CPNE1: variants seen among roughly 807,000 people sequenced by gnomAD.
CPNE1 encodes the protein copine 1, also known as copine-1.
In CPNE1, 58 loss-of-function variants were observed where a neutral mutation model predicts 63.2. The observed-to-expected ratio is 0.92, with a 90% confidence interval of 0.74 to 1.14. CPNE1 has a LOEUF of 1.14. CPNE1 is among the 50% of genes most tolerant of loss of function. The pLI, the probability that CPNE1 is intolerant of heterozygous loss-of-function variation, is 0.00. For missense variants in CPNE1, 672 were observed against 661.7 expected, an observed-to-expected ratio of 1.02 and a Z score of -0.17; for synonymous variants, 237 against 249.0, an observed-to-expected ratio of 0.95 and a Z score of 0.45.
intron 15 of CPNE1, 74 bp downstream of exon 15, chr20:35,626,493 C>A: frequency 6.3e-7 from 1 of 1,589,948 alleles, no homozygotes; most frequent in Non-Finnish European, 8.6e-7. Flanking sequence ...GTGAGCATCC[C>A]TTGGGCCTCA....
intron 1 of CPNE1, among the ~76,000 whole-genome samples, chr20:35,636,883 C>T (rs1415546646): frequency 1.3e-5 from 2 of 152,088 alleles, no homozygotes; most frequent in Non-Finnish European, 2.9e-5. Flanking sequence ...TGAATACAAA[C>T]ATAAATAAAT....
intron 1 of CPNE1, among the ~76,000 whole-genome samples, chr20:35,661,233 C>T (rs2034215519): frequency 6.6e-6 from 1 of 152,172 alleles, no homozygotes; most frequent in South Asian, 2.1e-4. Flanking sequence ...AACTGAAATA[C>T]TTCTGTGTTG....
intron 13 of CPNE1, 113 bp from the exon 14 acceptor site, chr20:35,627,526 C>T: frequency 9.3e-7 from 1 of 1,079,100 alleles, no homozygotes; most frequent in Non-Finnish European, 1.3e-6. Flanking sequence ...GCATTTCATT[C>T]ATTCACCCTT....
chr20:35,627,549 A>G (rs2031843846), intron 13 of CPNE1, 136 bp from the exon 14 acceptor site: 1 of 836,494 alleles, frequency 1.2e-6, no homozygotes, highest in African/African-American at 1.7e-5. Flanking sequence ...AAACCAGGGT[A>G]CTTAACTGTC....
At chr20:35,655,183 A>G in intron 1 of CPNE1, 1 of 1,614,204 alleles carries the variant, frequency 6.2e-7, no homozygotes, top group Non-Finnish European at 8.5e-7. Flanking sequence ...ATCAGTGGCA[A>G]AAACGATGAA....
chr20:35,627,573 G>A (rs1421867174), intron 13 of CPNE1, 160 bp from the exon 14 acceptor site: 2 of 634,952 alleles, frequency 3.1e-6, no homozygotes, highest in African/African-American at 3.7e-5. Flanking sequence ...TACACATGAG[G>A]AAACTAAGGT....
Position 35,631,951 on chromosome 20 carries a change from T to G in CPNE1, c.531A>C (p.Arg177Ser), listed in dbSNP as rs1275349033. The change falls in exon 6 of 16, where the codon AGA (arginine) becomes AGC (serine). Residue 177 changes from arginine (R) to serine (S), a missense_variant. Transcript: ENST00000397443. ...AATCCCAGGGGTCTCATACCTCAGA[T>G]CTGTACACCAGGTGCCATTTCCCAT... ...QGDGKWHLVYRSEVIKNNLNP... is the reference protein window; with the variant it reads ...QGDGKWHLVYSSEVIKNNLNP... 1.9e-6 allele frequency: 3 copies of G among 1,613,770 alleles called. No individual in the cohort carries two copies. Among genetic ancestry groups the G allele is most frequent in the Admixed American group, 1.7e-5 (1 of 60,016 alleles).
rs748349728 is a variant in CPNE1 at position 35,631,172 on chromosome 20, A to G, written c.803T>C (p.Val268Ala). The G allele has an allele frequency of 3.7e-6, 6 of 1,613,912 alleles. No individual in the cohort carries two copies. In the Admixed American group the frequency reaches 1.0e-4, roughly 27 times the overall value. The change falls in exon 10 of 16, where the codon GTA (valine) becomes GCA (alanine). Residue 268 changes from valine (V) to alanine (A), a missense_variant and splice_region_variant. Physicochemically the swap from Val to Ala is moderately conservative, Grantham distance 64. Transcript: ENST00000397443. ...SGTIRVKICR[V>A]ETEYSFLDYV... ...GTCCAGAAAGGAGTACTCTGTTTCT[A>G]CCTGCAAATGAAACCAGGGTCATGC... is the stretch of plus-strand genomic sequence containing the variant.
intron 1 of CPNE1, among the ~76,000 whole-genome samples, chr20:35,647,669 A>G (rs189214130): frequency 1.9e-4 from 29 of 152,264 alleles, no homozygotes; most frequent in Middle Eastern, 3.4e-3. Context: ...ACGTTGATCC[A>G]GAAAAGGAGT....
chr20:35,652,355 G>A, intron 1 of CPNE1: 2 of 713,368 alleles, frequency 2.8e-6, no homozygotes, highest in Non-Finnish European at 4.5e-6. Flanking sequence ...TGTTTATCCT[G>A]GTGAGTGAGT....
chr20:35,627,280 C>T lies in CPNE1; in HGVS notation c.1236G>A (p.Ser412=), dbSNP rs753375834. 1.7e-5 allele frequency: 27 copies of T among 1,613,132 alleles called. No individual in the cohort carries two copies. Among genetic ancestry groups the T allele is most frequent in the Middle Eastern group, 1.6e-4 (1 of 6,082 alleles). The stretch of plus-strand genomic sequence containing the variant: ...TGCCACTGCCACCCACGACTCTCAC[C>T]GAGGCAGTCCCCTGATGTGCAGCCT... The part of the protein sequence containing the change: ...AAQAAHQGTA[S]QYFMLLLLTD... Residue 412 remains serine (S), a splice_region_variant and synonymous_variant, in exon 14 of 16, where the codon TCG becomes TCA. Transcript: ENST00000397443.
chr20:35,658,802 AACACACACACACACACACAC>A (rs10542710), intron 1 of CPNE1: 6 of 473,466 alleles, frequency 1.3e-5, no homozygotes, highest in Admixed American at 7.7e-5. Flanking sequence ...AGCAAACAAA[AACACACACACACACACACAC>A]ACACACACAC....
chr20:35,627,540 A>T (rs2031842926), intron 13 of CPNE1, 127 bp from the exon 14 acceptor site: 7 of 931,064 alleles, frequency 7.5e-6, no homozygotes, highest in African/African-American at 5.0e-5. Flanking sequence ...CACCCTTGTA[A>T]ACCAGGGTAC....
At chr20:35,644,055 C>A (rs1601445161) in intron 1 of CPNE1, among the ~76,000 whole-genome samples, 1 of 151,790 alleles carries the variant, frequency 6.6e-6, no homozygotes, top group East Asian at 1.9e-4. Context: ...GATTACCCCA[C>A]CTGTAAAGTA....
At chr20:35,653,002 C>G in intron 1 of CPNE1, 1 of 1,613,826 alleles carries the variant, frequency 6.2e-7, no homozygotes, top group East Asian at 2.2e-5. Flanking sequence ...GTTTGGTCCA[C>G]CTCCAAAACC....
intron 1 of CPNE1, among the ~76,000 whole-genome samples, chr20:35,646,722 T>A (rs2033126790): frequency 6.6e-6 from 1 of 152,206 alleles, no homozygotes; most frequent in African/African-American, 2.4e-5. Flanking sequence ...GTAGCCCATT[T>A]GAATACAGTA....
rs2031720378 is a variant in CPNE1 at position 35,626,159 on chromosome 20, G to A, written c.*82C>T. 4 of 1,385,492 alleles carry A rather than the reference G, an allele frequency of 2.9e-6. No individual in the cohort carries two copies. The highest frequency in any genetic ancestry group is 1.4e-5 in the African/African-American group (1 of 70,238). 85.8% of individuals were successfully genotyped at this position (1,385,492 alleles called of 1,614,324 possible). A position where few individuals can be genotyped will look rare whatever the true frequency, so the allele number is the denominator to read the frequency against. On this transcript the variant is annotated 3_prime_UTR_variant, in exon 16 of 16. Coordinates refer to ENST00000397443, the MANE Select transcript of CPNE1 (RefSeq NM_152925.3). ...AAAAAATACAAAGTGCTAGCACTGA[G>A]GAGAGTGAGAAGGGTTGGGTTGTGG... is the stretch of plus-strand genomic sequence containing the variant.
At chr20:35,664,320 C>T (rs2034411553) in intron 1 of CPNE1, 2 of 152,510 alleles carry the variant, frequency 1.3e-5, no homozygotes, top group Admixed American at 1.3e-4. Flanking sequence ...CTTTCCATTT[C>T]GGGTTGAAGG....
chr20:35,652,316 C>T, intron 1 of CPNE1: 3 of 556,448 alleles, frequency 5.4e-6, no homozygotes, highest in Non-Finnish European at 6.2e-6. Context: ...TGTGTTCTCT[C>T]CAGATAGCTT....
Sources: allele counts gnomAD v4.1 joint callset (sites outside exome capture counted in the v4.1 genomes callset), GRCh38; gene constraint gnomAD v4.1.1; transcripts MANE v1.5; gene names NCBI Gene and HGNC (gene_info 2026-07-23, HGNC 2026-07-21).